The following TRAPPC8 variants were observed in gnomAD, a reference collection of about 807,000 sequenced individuals.
The protein encoded by TRAPPC8 is trafficking protein particle complex subunit 8.
A neutral mutation model predicts 174.3 loss-of-function variants in TRAPPC8; 54 were observed. The ratio of observed to expected loss-of-function variants is 0.31; its 90% CI spans 0.25 to 0.39. The LOEUF (loss-of-function observed/expected upper bound fraction) is 0.39. Among genes scored for constraint, TRAPPC8 ranks in the 10% least tolerant of loss-of-function variants. The pLI is 1.00. For missense variants in TRAPPC8, 1,531 were observed against 1,699.1 expected, an observed-to-expected ratio of 0.90 and a Z score of 1.74; for synonymous variants, 630 against 579.9, an observed-to-expected ratio of 1.09 and a Z score of -1.24.
rs1288580654 is a variant in TRAPPC8, at chr18:31,873,445, T to C, written c.2047A>G (p.Arg683Gly). 6.2e-7 allele frequency: 1 copy of C among 1,612,926 alleles called. No homozygotes were observed. The highest frequency in any genetic ancestry group is 8.5e-7 in the Non-Finnish European group (1 of 1,179,454). The change falls in exon 14 of 29, where the codon AGA becomes GGA. Residue 683 changes from arginine (R) to glycine (G), a missense_variant. Coordinates refer to ENST00000283351, the MANE Select transcript of TRAPPC8 (RefSeq NM_014939.5). ...SATRVFFGHD[R>G]RPADGEKQAA... The stretch of plus-strand genomic sequence containing the variant: ...CTTTACTAACCATCCGCTGGTCGTC[T>C]GTCATGGCCAAAAAAAACCCGTGTT...
chr18:31,860,795 C>G (rs2034283765), intron 19 of TRAPPC8, among the ~76,000 whole-genome samples: 1 of 152,164 alleles, frequency 6.6e-6, no homozygotes, highest in African/African-American at 2.4e-5. Flanking sequence ...GTTTATGGAA[C>G]TGAACATCAG....
chr18:31,846,795 T>C lies in TRAPPC8; in HGVS notation c.3758A>G (p.Lys1253Arg), dbSNP rs371889643. The change falls in exon 26 of 29, where the codon AAA becomes AGA. Residue 1253 changes from lysine to arginine, a missense_variant. By Grantham distance (26) the Lys-to-Arg change is conservative. Transcript: ENST00000283351. ...ATGTTGACCTTCCAAAATAAGCTGT[T>C]TACTGTCTTCCACAACGTATGCCTA... ...LWKAYVVEDS[K>R]QLILEGQHHV... The C allele has an allele frequency of 9.9e-6, 16 of 1,612,692 alleles. No homozygotes were observed. Among genetic ancestry groups the C allele is most frequent in the East Asian group, 8.9e-5 (4 of 44,868 alleles).
chr18:31,849,384 T>C (rs924160876), intron 25 of TRAPPC8, among the ~76,000 whole-genome samples, 182 bp downstream of exon 25: 1 of 152,058 alleles, frequency 6.6e-6, no homozygotes, highest in African/African-American at 2.4e-5. Flanking sequence ...CACAGAAGAA[T>C]GTTATCTAAT....
chr18:31,940,128 T>C (rs1414591486), intron 1 of TRAPPC8, among the ~76,000 whole-genome samples: 1 of 152,214 alleles, frequency 6.6e-6, no homozygotes, highest in Non-Finnish European at 1.5e-5. Context: ...TCACATTGAT[T>C]ACACATTGAA....
At chr18:31,917,451 T>C in intron 3 of TRAPPC8, 127 bp downstream of exon 3, 1 of 794,316 alleles carries the variant, frequency 1.3e-6, no homozygotes, top group South Asian at 2.0e-5. Flanking sequence ...CTCCGTGTAT[T>C]GTCAATCTAT....
intron 2 of TRAPPC8, 58 bp downstream of exon 2, chr18:31,931,271 G>T: frequency 6.9e-7 from 1 of 1,441,768 alleles, no homozygotes; most frequent in South Asian, 1.6e-5. Context: ...TCATAGAATC[G>T]CTTTTTCTAA....
intron 12 of TRAPPC8, among the ~76,000 whole-genome samples, chr18:31,886,118 G>C (rs2035699737): frequency 6.6e-6 from 1 of 151,260 alleles, no homozygotes; most frequent in African/African-American, 2.4e-5. Flanking sequence ...CAATTCTCCT[G>C]CCTCAGTCTC....
chr18:31,927,750 A>G (rs2037679438), intron 2 of TRAPPC8, among the ~76,000 whole-genome samples: 1 of 152,126 alleles, frequency 6.6e-6, no homozygotes, highest in Non-Finnish European at 1.5e-5. Context: ...GGTTAGCAAA[A>G]TATTTGCAGT....
At chr18:31,846,596 C>CA in intron 26 of TRAPPC8, 120 bp downstream of exon 26, 2 of 805,412 alleles carry the variant, frequency 2.5e-6, no homozygotes, top group Non-Finnish European at 3.9e-6. Context: ...CAAAAAAAAC[C>CA]AAAAAACAAA....
At chr18:31,925,587 A>G (rs2037581221) in intron 2 of TRAPPC8, among the ~76,000 whole-genome samples, 1 of 152,210 alleles carries the variant, frequency 6.6e-6, no homozygotes, top group Admixed American at 6.6e-5. Context: ...GGAGAAATTA[A>G]CAAAGAAAGA....
intron 12 of TRAPPC8, among the ~76,000 whole-genome samples, chr18:31,887,908 T>C (rs1269112022): frequency 2.0e-5 from 3 of 152,136 alleles, no homozygotes; most frequent in Non-Finnish European, 2.9e-5. Context: ...GGAAGTCAAA[T>C]TGTCTTTGTC....
rs2032306559 is a variant in TRAPPC8, at chr18:31,830,679, G to C, written c.*76C>G. 8.2e-7 allele frequency: 1 copy of C among 1,217,752 alleles called. No homozygotes were observed. The allele number at this position is 1,217,752 out of a possible 1,614,324, so 75.4% of individuals were successfully genotyped here. On this transcript the variant is annotated 3_prime_UTR_variant, in exon 29 of 29. Coordinates refer to ENST00000283351, the MANE Select transcript of TRAPPC8 (RefSeq NM_014939.5). ...ATCAATCAACCTCCATAACAAGTTA[G>C]GTATATCAAATACTGCTGTAAAACC...
intron 22 of TRAPPC8, chr18:31,852,881 A>G: frequency 2.0e-6 from 1 of 508,696 alleles, no homozygotes; most frequent in Admixed American, 3.3e-5. Flanking sequence ...GCACATGTAT[A>G]TATATATATG....
intron 21 of TRAPPC8, 132 bp downstream of exon 21, chr18:31,855,527 TA>T (rs1249926423): frequency 1.4e-6 from 1 of 701,474 alleles, no homozygotes; most frequent in African/African-American, 1.8e-5. Flanking sequence ...GATGATTTCA[TA>T]CTATTCTACA....
chr18:31,925,848 A>G (rs1029060104), intron 2 of TRAPPC8, among the ~76,000 whole-genome samples: 14 of 152,202 alleles, frequency 9.2e-5, no homozygotes, highest in African/African-American at 3.1e-4. Context: ...TTTATAACTA[A>G]CAATGTACAC....
intron 12 of TRAPPC8, among the ~76,000 whole-genome samples, chr18:31,877,061 G>A (rs6506945): frequency 2.6e-5 from 4 of 152,030 alleles, no homozygotes; most frequent in Admixed American, 2.6e-4. Context: ...AGATGTAACC[G>A]TTAATTTAGG....
chr18:31,907,207 G>A (rs566838036), intron 9 of TRAPPC8, among the ~76,000 whole-genome samples: 12 of 151,872 alleles, frequency 7.9e-5, no homozygotes, highest in African/African-American at 2.2e-4. Flanking sequence ...GGTCTCAAAC[G>A]CTTGGGCTCA....
At chr18:31,862,514 A>G (rs1042783309) in intron 19 of TRAPPC8, among the ~76,000 whole-genome samples, 1 of 152,156 alleles carries the variant, frequency 6.6e-6, no homozygotes, top group Non-Finnish European at 1.5e-5. Flanking sequence ...ATGGTACTGG[A>G]ACTAAAAAAC....
chr18:31,937,522 C>CA (rs59327865), intron 1 of TRAPPC8: 1,860 of 144,794 alleles, frequency 0.013, 29 homozygotes, highest in African/African-American at 0.042. Flanking sequence ...GGCTCTGTCT[C>CA]AAAAAAAAAA....
Sources: gnomAD v4.1 joint callset for allele counts (sites outside exome capture counted in the v4.1 genomes callset) on GRCh38, gnomAD v4.1.1 for gene constraint, MANE v1.5 for transcripts, NCBI Gene and HGNC (gene_info 2026-07-23, HGNC 2026-07-21) for gene names.